The following SHQ1 variants were observed in gnomAD, a reference collection of about 807,000 sequenced individuals.
SHQ1 encodes the protein protein SHQ1 homolog.
A neutral mutation model predicts 53.8 loss-of-function variants in SHQ1; 49 were observed. The ratio of observed to expected loss-of-function variants is 0.91; its 90% confidence interval spans 0.72 to 1.16. The LOEUF (loss-of-function observed/expected upper bound fraction) is 1.16. SHQ1 is among the 50% of genes most tolerant of loss of function. The pLI, the probability that SHQ1 is intolerant of heterozygous loss-of-function variation, is 0.00. For missense variants in SHQ1, 738 were observed against 683.1 expected (o/e 1.08, Z -0.90); for synonymous variants, 243 against 251.0 (o/e 0.97, Z 0.30).
rs185408178 is a variant in SHQ1 at position 72,789,992 on chromosome 3, A to G, written c.1181+2924T>C. ...AACCAGAAGACCTGACCTATCTCTT[A>G]TAAGACATATAACCTCAAACAAATC... is the stretch of plus-strand genomic sequence containing the variant. On this transcript the variant is annotated intron_variant, in intron 10 of 10. Coordinates refer to ENST00000325599, the MANE Select transcript of SHQ1 (RefSeq NM_018130.3). 1.9e-3 allele frequency among the ~76,000 whole-genome samples: 284 copies of G among 152,342 alleles called. 1 individual carries two copies. The highest frequency in any genetic ancestry group is 6.6e-3 in the African/African-American group (273 of 41,578).
the SHQ1 span, among the ~76,000 whole-genome samples, chr3:72,725,934 G>A: frequency 2.0e-5 from 3 of 152,056 alleles, no homozygotes; most frequent in Non-Finnish European, 2.9e-5. Context: ...AGCACTTTAC[G>A]CATATTATTT....
the SHQ1 span, among the ~76,000 whole-genome samples, chr3:72,735,710 G>GAGGAAGGAAGGAAGGA: frequency 9.3e-4 from 95 of 102,228 alleles, no homozygotes; most frequent in African/African-American, 1.7e-3. Context: ...GAGAGAGAGA[G>GAGGAAGGAAGGAAGGA]AGGAAGGAAG....
downstream of SHQ1, among the ~76,000 whole-genome samples, chr3:72,746,286 T>C (rs1705258734): frequency 6.6e-6 from 1 of 152,216 alleles, no homozygotes; most frequent in Non-Finnish European, 1.5e-5. Context: ...AGGCAGTCAC[T>C]GGGTCTCTTC....
At chr3:72,738,866 G>C in the SHQ1 span, among the ~76,000 whole-genome samples, 6 of 152,090 alleles carry the variant, frequency 3.9e-5, no homozygotes, top group Admixed American at 1.3e-4. Context: ...GCCCCGCCCG[G>C]TCCGCGCGCA....
the SHQ1 span, among the ~76,000 whole-genome samples, chr3:72,733,670 T>C: frequency 1.3e-3 from 197 of 151,708 alleles, 1 homozygote; most frequent in East Asian, 0.033. Flanking sequence ...CCCGGGAACA[T>C]TTAATAAGAC....
chr3:72,833,271 T>G (rs1005563335), intron 4 of SHQ1, among the ~76,000 whole-genome samples: 3 of 151,812 alleles, frequency 2.0e-5, no homozygotes, highest in Non-Finnish European at 4.4e-5. Flanking sequence ...AGAAACCCCA[T>G]CTCCACAAAA....
At chr3:72,739,793 G>A in the SHQ1 span, among the ~76,000 whole-genome samples, 3 of 152,246 alleles carry the variant, frequency 2.0e-5, no homozygotes, top group Non-Finnish European at 4.4e-5. Flanking sequence ...GGGGCAGGGG[G>A]CAGACCAAAA....
At chr3:72,820,781 G>C (rs1349317466) in intron 6 of SHQ1, among the ~76,000 whole-genome samples, 1 of 152,142 alleles carries the variant, frequency 6.6e-6, no homozygotes, top group Non-Finnish European at 1.5e-5. Flanking sequence ...TGAAACAAAA[G>C]TCAGCTGAAC....
chr3:72,847,340 A>G (rs1708371100), intron 1 of SHQ1, among the ~76,000 whole-genome samples: 1 of 152,166 alleles, frequency 6.6e-6, no homozygotes. Flanking sequence ...CTTCAGAAAG[A>G]TTAGGAGGAT....
intron 9 of SHQ1, among the ~76,000 whole-genome samples, chr3:72,798,688 T>C (rs1706699379): frequency 6.6e-6 from 1 of 152,306 alleles, no homozygotes; most frequent in Middle Eastern, 3.4e-3. Context: ...AATCCTCCTA[T>C]TAGTAGAGCA....
the SHQ1 span, among the ~76,000 whole-genome samples, chr3:72,742,408 T>C: frequency 6.6e-6 from 1 of 152,022 alleles, no homozygotes; most frequent in Non-Finnish European, 1.5e-5. Flanking sequence ...AATGCAGTTA[T>C]GAGTGTTATA....
chr3:72,842,173 G>A (rs1418075096), intron 3 of SHQ1, 107 bp downstream of exon 3: 5 of 1,258,844 alleles, frequency 4.0e-6, no homozygotes, highest in Non-Finnish European at 5.5e-6. Context: ...TATACCTGAA[G>A]TATTTTCTTC....
the SHQ1 span, among the ~76,000 whole-genome samples, chr3:72,726,927 G>C: frequency 1.4e-3 from 215 of 152,282 alleles, 3 homozygotes; most frequent in East Asian, 0.028. Context: ...AAATCGTAAA[G>C]GGTAACTGGA....
At position 72,846,086 on chromosome 3, in the gene SHQ1, A is replaced by T; in HGVS notation, c.144-1663T>A. The T allele has an allele frequency of 4.7e-6, 4 of 856,850 alleles. No individual in the cohort carries two copies. The East Asian group carries it at 7.9e-5, about 17-fold the overall frequency. 53.1% of individuals were successfully genotyped at this position (856,850 alleles called of 1,614,324 possible). A position where few individuals can be genotyped will look rare whatever the true frequency, so the allele number is the denominator to read the frequency against. On this transcript the variant is annotated intron_variant, in intron 1 of 10. Coordinates refer to ENST00000325599, the MANE Select transcript of SHQ1 (RefSeq NM_018130.3). Reference sequence around the variant, plus strand: ...TACTATGAGCATGAAATGATAATGCAAAGAGCTTAGTGGCCGGCACAACAG... The same window carrying T: ...TACTATGAGCATGAAATGATAATGCTAAGAGCTTAGTGGCCGGCACAACAG...
At chr3:72,776,789 G>C (rs1705965440) in intron 10 of SHQ1, among the ~76,000 whole-genome samples, 1 of 152,196 alleles carries the variant, frequency 6.6e-6, no homozygotes, top group Middle Eastern at 3.4e-3. Context: ...GTTTTTCATG[G>C]AACTTGACAA....
At chr3:72,792,131 G>A (rs565786426) in intron 10 of SHQ1, among the ~76,000 whole-genome samples, 2 of 152,156 alleles carry the variant, frequency 1.3e-5, no homozygotes, top group South Asian at 4.1e-4. Context: ...CCAGTGGCTA[G>A]CCAATAAATG....
At chr3:72,729,101 T>C in the SHQ1 span, among the ~76,000 whole-genome samples, 1 of 152,214 alleles carries the variant, frequency 6.6e-6, no homozygotes, top group Non-Finnish European at 1.5e-5. Context: ...AACTGATGCG[T>C]GAATGAACAA....
chr3:72,817,363 T>C lies in SHQ1; in HGVS notation c.749A>G (p.Lys250Arg), dbSNP rs770519493. 1.9e-6 allele frequency: 3 copies of C among 1,611,218 alleles called. No individual in the cohort carries two copies. The highest frequency in any genetic ancestry group is 2.2e-5 in the South Asian group (2 of 90,652). ...ATLVSFSEEE[K>R]YQLRKFVNKS... Reference sequence around the variant, plus strand: ...ATTGACAAATTTTCGTAGCTGATACTTCTCTTCTTCAGAAAAAGACACTAG... The same window carrying C: ...ATTGACAAATTTTCGTAGCTGATACCTCTCTTCTTCAGAAAAAGACACTAG... Residue 250 changes from lysine (K) to arginine (R), a missense_variant, in exon 7 of 11, where the codon AAG becomes AGG. Physicochemically the swap from Lys to Arg is conservative, Grantham distance 26 (BLOSUM62 2). Coordinates refer to ENST00000325599, the MANE Select transcript of SHQ1 (RefSeq NM_018130.3).
intron 4 of SHQ1, among the ~76,000 whole-genome samples, chr3:72,835,540 G>A (rs926884397): frequency 3.9e-5 from 6 of 152,118 alleles, no homozygotes; most frequent in African/African-American, 1.4e-4. Flanking sequence ...TATAACCTGT[G>A]AGTCTCTGTA....
Sources: gnomAD v4.1 joint callset for allele counts (sites outside exome capture counted in the v4.1 genomes callset) on GRCh38, gnomAD v4.1.1 for gene constraint, MANE v1.5 for transcripts, NCBI Gene and HGNC (gene_info 2026-07-23, HGNC 2026-07-21) for gene names.